Variants in NRAP observed in about 807,000 individuals in gnomAD.
NRAP encodes the protein nebulin-related-anchoring protein.
In NRAP, 189 loss-of-function variants were observed where a neutral mutation model predicts 225.9. The ratio of observed to expected loss-of-function variants is 0.84; its 90% CI spans 0.74 to 0.94. The LOEUF (loss-of-function observed/expected upper bound fraction) is 0.94, where lower values mean the gene tolerates loss of function less well. Ranked by LOEUF, NRAP falls within the 40% of genes least tolerant of loss-of-function variation. NRAP has a pLI of 0.00. For missense variants in NRAP, 2,176 were observed against 2,168.7 expected, an observed-to-expected ratio of 1.00 and a Z score of -0.07; for synonymous variants, 769 against 790.7, an observed-to-expected ratio of 0.97 and a Z score of 0.46.
At chr10:113,608,620 G>C in intron 31 of NRAP, 108 bp from the exon 32 acceptor site, 1 of 716,454 alleles carries the variant, frequency 1.4e-6, no homozygotes, top group South Asian at 1.8e-5. Flanking sequence ...TGCAAAGGCT[G>C]CAAGTCTATC....
chr10:113,636,207 A>G (rs1397527322), intron 14 of NRAP, among the ~76,000 whole-genome samples: 1 of 152,010 alleles, frequency 6.6e-6, no homozygotes, highest in African/African-American at 2.4e-5. Context: ...TTTCTGTGTC[A>G]CCACTATCTA....
rs151007500 is a variant in NRAP, at chr10:113,623,569, G to C, written c.2417C>G (p.Thr806Ser). The part of the protein sequence containing the change: ...KGFELRLDSL[T>S]FLAAKAKRDL... ...CCTCTTGGCTTTGGCTGCCAGGAAG[G>C]TCAAGGAATCAAGACGCAGCTCAAA... is the stretch of plus-strand genomic sequence containing the variant. The change falls in exon 23 of 42, where the codon ACC becomes AGC. Residue 806 changes from threonine (T) to serine (S), a missense_variant. This residue lies in a region of NRAP where 1,708 missense variants were observed against 1,695.5 expected (regional missense o/e 1.01). Coordinates refer to ENST00000359988, the MANE Select transcript of NRAP (RefSeq NM_198060.4). 9.8e-5 allele frequency: 158 copies of C among 1,613,866 alleles called. 1 individual carries two copies. In the African/African-American group the frequency reaches 1.8e-3, roughly 19 times the overall value.
chr10:113,658,730 A>T (rs1850467810), intron 3 of NRAP, among the ~76,000 whole-genome samples: 1 of 151,894 alleles, frequency 6.6e-6, no homozygotes, highest in Non-Finnish European at 1.5e-5. Context: ...AAAATAGAAA[A>T]AATTAGCTGA....
chr10:113,643,918 G>A (rs1320874930), intron 11 of NRAP, among the ~76,000 whole-genome samples: 1 of 151,900 alleles, frequency 6.6e-6, no homozygotes, highest in Non-Finnish European at 1.5e-5. Flanking sequence ...TATTCATATA[G>A]AAAGAGGCTA....
At chr10:113,589,233 G>A in intron 41 of NRAP, 154 bp from the exon 42 acceptor site, 1 of 615,946 alleles carries the variant, frequency 1.6e-6, no homozygotes, top group Admixed American at 3.1e-5. Context: ...CCAAGAAAAA[G>A]GGCCTTCAAG....
intron 17 of NRAP, 22 bp downstream of exon 17, chr10:113,631,835 G>C: frequency 1.4e-6 from 2 of 1,451,588 alleles, no homozygotes; most frequent in Non-Finnish European, 1.9e-6. Flanking sequence ...ATGCATTCCT[G>C]AGTTAATGAG....
chr10:113,634,166 C>A lies in NRAP; in HGVS notation c.1473G>T (p.Val491=). ...CTTGAACAATCTGTGGGGTGTCAGT[C>A]ACCGAGCTGTACTTCAACTTGTCGA... ...QSIDKLKYSS[V]TDTPQIVQAK... Residue 491 remains valine, a synonymous_variant, in exon 15 of 42, where the codon GTG becomes GTT. Transcript: ENST00000359988. 1 of 1,614,040 alleles carries A rather than the reference C, an allele frequency of 6.2e-7. No homozygotes were observed. Among genetic ancestry groups the A allele is most frequent in the South Asian group, 1.1e-5 (1 of 91,068 alleles).
At chr10:113,607,774 CA>C (rs1397561870) in intron 32 of NRAP, among the ~76,000 whole-genome samples, 2 of 152,182 alleles carry the variant, frequency 1.3e-5, no homozygotes, top group African/African-American at 4.8e-5. Flanking sequence ...CTGCCAAGCT[CA>C]CCTATTTTGA....
At chr10:113,652,235 A>G (rs1177021165) in intron 6 of NRAP, among the ~76,000 whole-genome samples, 1 of 152,228 alleles carries the variant, frequency 6.6e-6, no homozygotes, top group African/African-American at 2.4e-5. Flanking sequence ...CCATGGTCAC[A>G]TAGCACTAAG....
chr10:113,615,801 G>T lies in NRAP; in HGVS notation c.2989C>A (p.Gln997Lys). 2 of 1,595,886 alleles carry T rather than the reference G, an allele frequency of 1.3e-6. No homozygotes were observed. Among genetic ancestry groups the T allele is most frequent in the South Asian group, 1.1e-5 (1 of 90,656 alleles). The change falls in exon 27 of 42, where the codon CAA becomes AAA. Residue 997 changes from glutamine (Q) to lysine (K), a missense_variant. Around this residue, in one of 3 missense-constraint regions of NRAP, gnomAD observed 1,708 missense variants for 1,695.5 expected, o/e 1.01. Coordinates refer to ENST00000359988, the MANE Select transcript of NRAP (RefSeq NM_198060.4). ...TAATGATGCTTTATGTTTTCTCCTT[G>T]TTCCCTGTATAATCTCTGTGGATGG... is the stretch of plus-strand genomic sequence containing the variant. ...TQAVDRLYRE[Q>K]GENIKHHYTP... is the part of the protein sequence containing the mutation.
At chr10:113,594,509 A>G (rs1043088678) in intron 38 of NRAP, among the ~76,000 whole-genome samples, 3 of 152,096 alleles carry the variant, frequency 2.0e-5, no homozygotes, top group African/African-American at 4.8e-5. Flanking sequence ...TCGTTCCTCA[A>G]ATGGAGGCCT....
chr10:113,659,173 C>G (rs1850505705), intron 3 of NRAP, among the ~76,000 whole-genome samples: 1 of 152,034 alleles, frequency 6.6e-6, no homozygotes, highest in African/African-American at 2.4e-5. Context: ...TTAAAGTGGG[C>G]TTTGTTTGTT....
At chr10:113,662,589 G>T in intron 3 of NRAP, 90 bp downstream of exon 3, 1 of 810,468 alleles carries the variant, frequency 1.2e-6, no homozygotes, top group South Asian at 1.4e-5. Context: ...TGCCTGGCTA[G>T]AATATATTCC....
rs1845756285 is a variant in NRAP at position 113,589,008 on chromosome 10, C to T, written c.5160G>A (p.Leu1720=). ...GCAGGGCCTTCTTCTTTTTGACGTG[C>T]AGAATCTCAGTGGCATCTGGGTTCA... is the stretch of plus-strand genomic sequence containing the variant. ...GEVNPDATEI[L]HVKKKKALLL Residue 1720 remains leucine (L), a synonymous_variant, in exon 42 of 42, where the codon CTG becomes CTA. Coordinates refer to ENST00000359988, the MANE Select transcript of NRAP (RefSeq NM_198060.4). The T allele has an allele frequency of 6.2e-7, 1 of 1,614,000 alleles. No individual in the cohort carries two copies.
intron 39 of NRAP, among the ~76,000 whole-genome samples, chr10:113,591,597 C>T (rs559466781): frequency 1.6e-4 from 25 of 152,358 alleles, no homozygotes; most frequent in South Asian, 8.3e-4. Context: ...TTCCCAGGTG[C>T]GCCTCCGTCT....
chr10:113,604,263 C>T (rs1484602023), intron 35 of NRAP, among the ~76,000 whole-genome samples: 1 of 152,086 alleles, frequency 6.6e-6, no homozygotes, highest in Non-Finnish European at 1.5e-5. Flanking sequence ...ACTACAGGTG[C>T]ATGCCACCAT....
intron 21 of NRAP, 129 bp from the exon 22 acceptor site, chr10:113,625,059 C>T (rs1332893831): frequency 3.2e-6 from 2 of 624,912 alleles, no homozygotes; most frequent in African/African-American, 3.6e-5. Context: ...CAAAACCCAC[C>T]AGATCAGACT....
At chr10:113,610,377 AG>A in intron 31 of NRAP, 81 bp downstream of exon 31, 1 of 705,334 alleles carries the variant, frequency 1.4e-6, no homozygotes, top group South Asian at 1.8e-5. Flanking sequence ...AAAAAAAGGA[AG>A]AAAGAAAAAG....
Position 113,589,713 on chromosome 10 carries a change from C to G in NRAP, c.5041G>C (p.Ala1681Pro). 1 of 1,614,140 alleles carries G rather than the reference C, an allele frequency of 6.2e-7. No individual in the cohort carries two copies. Among genetic ancestry groups the G allele is most frequent in the Non-Finnish European group, 8.5e-7 (1 of 1,180,038 alleles). ...GSYKVEMARR[A>P]AELANARGLG... ...CCCCTTGCGTTGGCCAGTTCCGCAG[C>G]CCGCCGAGCCATTTCCACTTTGTAG... Residue 1681 changes from alanine to proline, a missense_variant, in exon 41 of 42, where the codon GCT becomes CCT. Coordinates refer to ENST00000359988, the MANE Select transcript of NRAP (RefSeq NM_198060.4).
Sources: allele counts gnomAD v4.1 joint callset (sites outside exome capture counted in the v4.1 genomes callset), GRCh38; gene constraint gnomAD v4.1.1; regional missense constraint gnomAD v4.1.1; transcripts MANE v1.5; gene names NCBI Gene and HGNC (gene_info 2026-07-23, HGNC 2026-07-21).